Variants in NEK1 observed in about 807,000 individuals in gnomAD.
NEK1 encodes the protein NIMA related kinase 1.
NEK1 carries 137 observed loss-of-function variants against 182.1 expected under a neutral mutation model. The ratio of observed to expected loss-of-function variants is 0.75; its 90% confidence interval spans 0.65 to 0.87. The LOEUF (loss-of-function observed/expected upper bound fraction) is 0.87. NEK1 is among the 40% of genes least tolerant of loss of function. The pLI is 0.00. For missense variants in NEK1, 1,391 were observed against 1,494.4 expected (o/e 0.93, Z 1.14); for synonymous variants, 513 against 492.2 (o/e 1.04, Z -0.56).
Position 169,577,129 on chromosome 4 carries a change from C to G in NEK1, c.869-50G>C, listed in dbSNP as rs767921385. The G allele has an allele frequency of 5.6e-5, 87 of 1,563,968 alleles. No homozygotes were observed. The Admixed American group carries it at 1.5e-3, about 27-fold the overall frequency. On this transcript the variant is annotated intron_variant, in intron 11 of 35. Transcript: ENST00000507142. ...TTGTCTGCAGTTCTTTACATTAACT[C>G]TTTACTTTCAGAATTCTTCAAGATA...
chr4:169,566,956 G>A (rs992933348), intron 12 of NEK1, among the ~76,000 whole-genome samples: 2 of 152,076 alleles, frequency 1.3e-5, no homozygotes, highest in East Asian at 1.9e-4. Context: ...ATAGCTGGGT[G>A]TGGTAGTATG....
chr4:169,493,041 C>G (rs1485525438), intron 23 of NEK1, among the ~76,000 whole-genome samples: 2 of 152,098 alleles, frequency 1.3e-5, no homozygotes, highest in Non-Finnish European at 2.9e-5. Context: ...TCTGGTGGCT[C>G]GATGAAAGTG....
chr4:169,577,643 A>G (rs916682195), intron 11 of NEK1, among the ~76,000 whole-genome samples: 5 of 151,990 alleles, frequency 3.3e-5, no homozygotes, highest in African/African-American at 4.8e-5. Flanking sequence ...AGTCCCAGCT[A>G]CTTGGGAGGC....
At chr4:169,492,376 G>C (rs193055278) in intron 23 of NEK1, among the ~76,000 whole-genome samples, 7 of 152,302 alleles carry the variant, frequency 4.6e-5, no homozygotes, top group Non-Finnish European at 8.8e-5. Flanking sequence ...TGGAGAGAAA[G>C]AAAGCAGCAA....
chr4:169,437,711 G>A (rs1437936663), intron 28 of NEK1, among the ~76,000 whole-genome samples: 2 of 152,190 alleles, frequency 1.3e-5, no homozygotes, highest in Non-Finnish European at 2.9e-5. Flanking sequence ...GCCCAGCTAA[G>A]CTGTACTTGC....
At chr4:169,455,354 C>T (rs545379556) in intron 27 of NEK1, among the ~76,000 whole-genome samples, 3 of 148,854 alleles carry the variant, frequency 2.0e-5, no homozygotes, top group African/African-American at 7.4e-5. Flanking sequence ...ACTCAATGAA[C>T]AGTTGCCTAC....
chr4:169,593,858 G>A (rs781442404), intron 5 of NEK1, among the ~76,000 whole-genome samples: 25 of 152,178 alleles, frequency 1.6e-4, no homozygotes, highest in Non-Finnish European at 2.6e-4. Flanking sequence ...GCGTGATGGC[G>A]GGCGCCTGTA....
Position 169,400,269 on chromosome 4 carries a change from G to C in NEK1, c.3803C>G (p.Ala1268Gly). The change falls in exon 35 of 36, where the codon GCC becomes GGC. Residue 1268 changes from alanine (A) to glycine (G), a missense_variant. Ala to Gly is a moderately conservative substitution (Grantham distance 60). Coordinates refer to ENST00000507142, the MANE Select transcript of NEK1 (RefSeq NM_001199397.3). ...TGCCATGACTAAATGAAGAATCTTG[G>C]CATAAAGATGCTGATGTTCATTTCC... is the stretch of plus-strand genomic sequence containing the variant. ...ILGNEHQHLY[A>G]KILHLVMADG... 1 of 1,572,876 alleles carries C rather than the reference G, an allele frequency of 6.4e-7. No individual in the cohort carries two copies. The highest frequency in any genetic ancestry group is 8.6e-7 in the Non-Finnish European group (1 of 1,156,552).
chr4:169,445,861 T>TAC (rs1740423181), intron 27 of NEK1, among the ~76,000 whole-genome samples: 1 of 132,272 alleles, frequency 7.6e-6, no homozygotes, highest in African/African-American at 2.9e-5. Context: ...TATATATATA[T>TAC]ATATACACAC....
In NEK1 at chr4:169,552,712, CCT is replaced by C. The variant is rs1291014690; in HGVS notation, c.1562+3006_1562+3007del. 2.6e-5 allele frequency among the ~76,000 whole-genome samples: 4 copies of C among 151,986 alleles called. No homozygotes were observed. The East Asian group carries it at 7.7e-4, about 29-fold the overall frequency. Reference sequence around the variant, plus strand: ...AAAATTCAAAAGAAACACCAAAACCCCTCTCAAAAAAAGTGATGATAGCAAAG... The same window carrying C: ...AAAATTCAAAAGAAACACCAAAACCCCTCAAAAAAAGTGATGATAGCAAAG... On this transcript the variant is annotated intron_variant, in intron 18 of 35. Transcript: ENST00000507142.
chr4:169,501,257 T>C (rs1315612954), intron 23 of NEK1, among the ~76,000 whole-genome samples: 1 of 152,068 alleles, frequency 6.6e-6, no homozygotes, highest in Non-Finnish European at 1.5e-5. Flanking sequence ...TATAAACAAT[T>C]ACTACTAGAT....
In NEK1 at chr4:169,463,264, C is replaced by A. The variant is rs765417970; in HGVS notation, c.2566G>T (p.Glu856Ter). ...AELQLQTELL[E>*]NTTIRSEISP... ...TTACCACTTCTAATAGTTGTATTTT[C>A]TAATAGTTCTGTCTGAAGTTGTAGT... Residue 856 changes from glutamate to a stop codon, truncating the protein, a stop_gained, in exon 27 of 36, where the codon GAA becomes TAA. Transcript: ENST00000507142. LOFTEE classifies it high-confidence loss of function. 1 of 1,576,804 alleles carries A rather than the reference C, an allele frequency of 6.3e-7. No homozygotes were observed. Among genetic ancestry groups the A allele is most frequent in the Non-Finnish European group, 8.6e-7 (1 of 1,162,070 alleles).
chr4:169,507,206 AG>A lies in NEK1; in HGVS notation c.1912-75del, dbSNP rs1203495263. 1.8e-4 allele frequency: 114 copies of A among 644,336 alleles called. 1 individual carries two copies. The African/African-American group carries it at 2.6e-3, about 15-fold the overall frequency. 39.9% of individuals were successfully genotyped at this position (644,336 alleles called of 1,614,324 possible). A position where few individuals can be genotyped will look rare whatever the true frequency, so the allele number is the denominator to read the frequency against. On this transcript the variant is annotated intron_variant, in intron 22 of 35. Transcript: ENST00000507142. The stretch of plus-strand genomic sequence containing the variant: ...AGGTTTTTTTTTTTTTTTTTGGGCC[AG>A]GTCTATGAAGATATTTACTTATTAG...
At chr4:169,516,542 C>CAT (rs1755287505) in intron 19 of NEK1, among the ~76,000 whole-genome samples, 1 of 93,526 alleles carries the variant, frequency 1.1e-5, no homozygotes, top group Admixed American at 1.1e-4. Flanking sequence ...CTTTTGTTGC[C>CAT]ATTGCTATTG....
intron 31 of NEK1, among the ~76,000 whole-genome samples, chr4:169,407,598 T>C (rs1732873486): frequency 2.0e-5 from 3 of 152,140 alleles, no homozygotes; most frequent in Non-Finnish European, 2.9e-5. Context: ...TAAGGGATAA[T>C]AGAAATAGCC....
chr4:169,576,092 G>A lies in NEK1; in HGVS notation c.1020+836C>T, dbSNP rs1444515105. The stretch of plus-strand genomic sequence containing the variant: ...TGATTCTCCCACTTCAGACTCCTGA[G>A]TAGCTGGGACTATAGGTGTGCGCCA... On this transcript the variant is annotated intron_variant, in intron 12 of 35. Coordinates refer to ENST00000507142, the MANE Select transcript of NEK1 (RefSeq NM_001199397.3). Among the ~76,000 whole-genome samples, 4 of 151,958 alleles carry A rather than the reference G, an allele frequency of 2.6e-5. No individual in the cohort carries two copies. In the East Asian group the frequency reaches 7.8e-4, roughly 29 times the overall value.
intron 18 of NEK1, among the ~76,000 whole-genome samples, chr4:169,545,323 G>T (rs956506119): frequency 6.6e-6 from 1 of 151,312 alleles, no homozygotes; most frequent in Non-Finnish European, 1.5e-5. Flanking sequence ...TTGTTCTTGC[G>T]ATAGTTTACT....
At chr4:169,459,237 T>A (rs1743489364) in intron 27 of NEK1, among the ~76,000 whole-genome samples, 1 of 152,128 alleles carries the variant, frequency 6.6e-6, no homozygotes, top group Non-Finnish European at 1.5e-5. Context: ...GGCAACTCAC[T>A]AAGGTATACA....
chr4:169,484,658 C>T (rs928356864), intron 23 of NEK1, among the ~76,000 whole-genome samples: 5 of 152,122 alleles, frequency 3.3e-5, no homozygotes, highest in African/African-American at 1.2e-4. Context: ...AAGAGGGGCA[C>T]CAGTGAGAAC....
Sources: gnomAD v4.1 joint callset for allele counts (sites outside exome capture counted in the v4.1 genomes callset) on GRCh38, gnomAD v4.1.1 for gene constraint, MANE v1.5 for transcripts, NCBI Gene and HGNC (gene_info 2026-07-23, HGNC 2026-07-21) for gene names.